Variants in RAD54L2 observed in about 807,000 individuals in gnomAD.
RAD54L2 encodes RAD54 like 2.
A neutral mutation model predicts 138.4 loss-of-function variants in RAD54L2; 27 were observed. That is an observed-to-expected ratio of 0.20 (90% CI 0.14 to 0.27). The LOEUF is 0.27. Among genes scored for constraint, RAD54L2 ranks in the 10% least tolerant of loss-of-function variants. RAD54L2 has a pLI of 1.00. For missense variants in RAD54L2, 1,396 were observed against 1,890.2 expected (o/e 0.74, Z 4.85); for synonymous variants, 644 against 723.2 (o/e 0.89, Z 1.76).
At chr3:51,547,996 A>G (rs1698740589) in intron 2 of RAD54L2, among the ~76,000 whole-genome samples, 2 of 151,410 alleles carry the variant, frequency 1.3e-5, no homozygotes, top group South Asian at 4.2e-4. Flanking sequence ...CGTTCAAGCG[A>G]TTCTCCTGCC....
chr3:51,578,744 G>A (rs1378528491), intron 2 of RAD54L2, among the ~76,000 whole-genome samples: 1 of 152,118 alleles, frequency 6.6e-6, no homozygotes, highest in Admixed American at 6.6e-5. Context: ...AGGGGAGGGT[G>A]CCTGTGACCC....
At position 51,629,416 on chromosome 3, in the gene RAD54L2, C is replaced by G; in HGVS notation, c.424C>G (p.Gln142Glu). Residue 142 changes from glutamine to glutamate, a missense_variant, in exon 5 of 23, where the codon CAG becomes GAG. Coordinates refer to ENST00000684192, the MANE Select transcript of RAD54L2 (RefSeq NM_015106.4). ...EELERRKRLE[Q>E]QRKDYAAPIP... ...GTTGGAAAGAAGGAAGCGCCTGGAG[C>G]AGCAGAGGAAAGATTATGCAGCCCC... The G allele has an allele frequency of 6.2e-7, 1 of 1,611,040 alleles. No individual in the cohort carries two copies. Among genetic ancestry groups the G allele is most frequent in the Non-Finnish European group, 8.5e-7 (1 of 1,178,750 alleles).
chr3:51,548,503 A>G (rs1395503599), intron 2 of RAD54L2, among the ~76,000 whole-genome samples: 3 of 152,028 alleles, frequency 2.0e-5, no homozygotes, highest in Non-Finnish European at 4.4e-5. Flanking sequence ...TTTCATATAT[A>G]TATTTACTTC....
intron 2 of RAD54L2, among the ~76,000 whole-genome samples, chr3:51,566,108 G>A (rs1012448044): frequency 2.0e-5 from 3 of 152,180 alleles, no homozygotes; most frequent in Non-Finnish European, 2.9e-5. Flanking sequence ...GATTATAGGC[G>A]TGAGCCACTG....
At chr3:51,605,724 T>C (rs1044373730) in intron 3 of RAD54L2, among the ~76,000 whole-genome samples, 1 of 152,192 alleles carries the variant, frequency 6.6e-6, no homozygotes, top group East Asian at 1.9e-4. Context: ...AGTTCTGGGA[T>C]TACAGGCATG....
At position 51,664,171 on chromosome 3, in the gene RAD54L2, A is replaced by T. The variant is rs573695379; in HGVS notation, c.*751A>T. On this transcript the variant is annotated 3_prime_UTR_variant, in exon 23 of 23. Coordinates refer to ENST00000684192, the MANE Select transcript of RAD54L2 (RefSeq NM_015106.4). ...AGTTTCCTTCGGGATGGGTGAAGAG[A>T]AGGCCCAGCTAACTCAAGTCCCTGG... is the stretch of plus-strand genomic sequence containing the variant. 9 of 152,296 alleles carry T rather than the reference A, an allele frequency of 5.9e-5. No homozygotes were observed. Among genetic ancestry groups the T allele is most frequent in the Admixed American group, 4.6e-4 (7 of 15,302 alleles). 9.4% of individuals were successfully genotyped at this position (152,296 alleles called of 1,614,324 possible).
At chr3:51,565,720 G>A (rs1213078883) in intron 2 of RAD54L2, among the ~76,000 whole-genome samples, 16 of 151,880 alleles carry the variant, frequency 1.1e-4, no homozygotes, top group Admixed American at 6.6e-4. Flanking sequence ...TGATCCGCCC[G>A]TCTCGGCCTG....
chr3:51,542,476 T>G (rs1390347174), intron 2 of RAD54L2, among the ~76,000 whole-genome samples: 2 of 151,640 alleles, frequency 1.3e-5, no homozygotes, highest in Non-Finnish European at 1.5e-5. Flanking sequence ...GACGGAGTCT[T>G]GCTCTGTTGC....
intron 3 of RAD54L2, 148 bp from the exon 4 acceptor site, chr3:51,627,405 C>A: frequency 1.4e-6 from 1 of 720,500 alleles, no homozygotes. Flanking sequence ...GTAGATACAT[C>A]CACTGATGTT....
rs771345349 is a variant in RAD54L2, at chr3:51,662,399, T to TCTCA, written c.3410-26_3410-23dup. The TCTCA allele has an allele frequency of 1.3e-6, 2 of 1,487,186 alleles. No homozygotes were observed. Among genetic ancestry groups the TCTCA allele is most frequent in the Non-Finnish European group, 1.8e-6 (2 of 1,115,084 alleles). 92.1% of individuals were successfully genotyped at this position (1,487,186 alleles called of 1,614,324 possible). ...TTCTTCTCTCCCTGGCCACTCTGAT[T>TCTCA]CTCAGTTAACTACATTTTGTCCCCA... On this transcript the variant is annotated intron_variant, in intron 22 of 22. Transcript: ENST00000684192. This position sits in a 1 kb window ranked among gnomAD's most constrained non-coding sequence, Gnocchi z 4.6.
chr3:51,662,157 T>G lies in RAD54L2; in HGVS notation c.3410-269T>G, dbSNP rs1466807727. On this transcript the variant is annotated intron_variant, in intron 22 of 22. Transcript: ENST00000684192. This position sits in a 1 kb window ranked among gnomAD's most constrained non-coding sequence, Gnocchi z 4.6. ...ATGATCTCTTAGTGTTTCATATCCC[T>G]TATCTCGTAGGATTCATTTTGGTAT... is the stretch of plus-strand genomic sequence containing the variant. 6.6e-6 allele frequency among the ~76,000 whole-genome samples: 1 copy of G among 152,214 alleles called. No individual in the cohort carries two copies. Among genetic ancestry groups the G allele is most frequent in the Non-Finnish European group, 1.5e-5 (1 of 68,042 alleles).
At chr3:51,655,926 G>A (rs1487293147) in intron 19 of RAD54L2, 45 bp from the exon 20 acceptor site, 3 of 1,517,978 alleles carry the variant, frequency 2.0e-6, no homozygotes, top group African/African-American at 2.8e-5. Flanking sequence ...AAAGGTAACA[G>A]TTGTTCTGCC....
rs1289897510 is a variant in RAD54L2 at position 51,667,559 on chromosome 3, G to A, written c.*4139G>A. The A allele has an allele frequency of 6.6e-6, 1 of 152,226 alleles. No individual in the cohort carries two copies. Among genetic ancestry groups the A allele is most frequent in the East Asian group, 1.9e-4 (1 of 5,186 alleles). The allele number at this position is 152,226 out of a possible 1,614,324, so 9.4% of individuals were successfully genotyped here. Reference sequence around the variant, plus strand: ...TGGCTCTTCACCCCTAAAACTAAGTGAAGTCATCCTTCCCCAAAAGGACCC... The same window carrying A: ...TGGCTCTTCACCCCTAAAACTAAGTAAAGTCATCCTTCCCCAAAAGGACCC... On this transcript the variant is annotated 3_prime_UTR_variant, in exon 23 of 23. Transcript: ENST00000684192.
chr3:51,609,763 A>C (rs1700288082), intron 3 of RAD54L2, among the ~76,000 whole-genome samples: 2 of 150,014 alleles, frequency 1.3e-5, no homozygotes, highest in African/African-American at 2.5e-5. Context: ...AGTGTTTCAA[A>C]GTGTTCACCT....
rs1701842831 is a variant in RAD54L2 at position 51,663,560 on chromosome 3, G to A, written c.*140G>A. On this transcript the variant is annotated 3_prime_UTR_variant, in exon 23 of 23. Transcript: ENST00000684192. Reference sequence around the variant, plus strand: ...GGACAAAGGAGGGTGGTTGGCCAAAGTGGCAGAGCTCTGTTGCTGTTTAAC... The same window carrying A: ...GGACAAAGGAGGGTGGTTGGCCAAAATGGCAGAGCTCTGTTGCTGTTTAAC... The A allele has an allele frequency of 4.1e-6, 2 of 491,350 alleles. No individual in the cohort carries two copies. Among genetic ancestry groups the A allele is most frequent in the Non-Finnish European group, 6.3e-6 (2 of 318,224 alleles). 30.4% of individuals were successfully genotyped at this position (491,350 alleles called of 1,614,324 possible). A position where few individuals can be genotyped will look rare whatever the true frequency, so the allele number is the denominator to read the frequency against.
chr3:51,629,525 C>T, intron 5 of RAD54L2, 52 bp downstream of exon 5: 1 of 1,594,968 alleles, frequency 6.3e-7, no homozygotes, highest in Non-Finnish European at 8.5e-7. Flanking sequence ...GGAAGAAGCC[C>T]TAGGTGCACA....
At chr3:51,612,740 A>G (rs1012017491) in intron 3 of RAD54L2, among the ~76,000 whole-genome samples, 3 of 151,584 alleles carry the variant, frequency 2.0e-5, no homozygotes, top group Non-Finnish European at 4.4e-5. Flanking sequence ...AGTTTAAGCA[A>G]TCTTTTCCAT....
chr3:51,624,539 C>T (rs1039724676), intron 3 of RAD54L2, among the ~76,000 whole-genome samples: 1 of 152,090 alleles, frequency 6.6e-6, no homozygotes, highest in African/African-American at 2.4e-5. Flanking sequence ...GGATTACAGG[C>T]GTGAGCCACA....
chr3:51,656,332 T>G (rs1451131359), intron 20 of RAD54L2, among the ~76,000 whole-genome samples, 162 bp downstream of exon 20: 1 of 152,264 alleles, frequency 6.6e-6, no homozygotes, highest in Non-Finnish European at 1.5e-5. Flanking sequence ...TTGAGGAATT[T>G]GGATTCTAGT....
Sources: allele counts gnomAD v4.1 joint callset (sites outside exome capture counted in the v4.1 genomes callset), GRCh38; gene constraint gnomAD v4.1.1; non-coding constraint Gnocchi (gnomAD v3.1); transcripts MANE v1.5; gene names NCBI Gene and HGNC (gene_info 2026-07-23, HGNC 2026-07-21).